The following PEX14 variants were observed in gnomAD, a reference collection of about 807,000 sequenced individuals.
PEX14 encodes the protein peroxisomal biogenesis factor 14, also known as peroxisomal membrane protein PEX14.
Under a neutral mutation model 49.5 loss-of-function variants are expected in PEX14, and 15 were observed. The ratio of observed to expected loss-of-function variants is 0.30; its 90% CI spans 0.20 to 0.47. PEX14 has a LOEUF of 0.47. Ranked by LOEUF, PEX14 falls within the 20% of genes least tolerant of loss-of-function variation. The probability of loss-of-function intolerance (pLI) is 1.00; values close to 1 mark genes in which losing one functional copy is unlikely to be tolerated. For synonymous variants in PEX14, 210 were observed against 212.7 expected, an observed-to-expected ratio of 0.99 and a Z score of 0.11; for missense variants, 398 against 494.8, an observed-to-expected ratio of 0.80 and a Z score of 1.86.
chr1:10,494,836 G>A lies in PEX14; in HGVS notation c.37-438G>A, dbSNP rs1464414008. ...TGGGCAGCTGGGGCCCCCTGGTGGT[G>A]GAATCTGGTTCTCCACTGCTGCGCG... On this transcript the variant is annotated intron_variant, in intron 1 of 8. Transcript: ENST00000356607. The surrounding 1 kb of genome is among the most constrained non-coding windows in gnomAD (Gnocchi z 4.3). Among the ~76,000 whole-genome samples, 2 of 152,344 alleles carry A rather than the reference G, an allele frequency of 1.3e-5. No individual in the cohort carries two copies. The highest frequency in any genetic ancestry group is 2.1e-4 in the South Asian group (1 of 4,818).
At chr1:10,593,514 C>G (rs1377206358) in intron 3 of PEX14, among the ~76,000 whole-genome samples, 4 of 152,132 alleles carry the variant, frequency 2.6e-5, no homozygotes, top group African/African-American at 9.7e-5. Context: ...AGCCCCCTGC[C>G]ACTCCCCATC....
At position 10,599,227 on chromosome 1, in the gene PEX14, C is replaced by T. The variant is rs1200614209; in HGVS notation, c.170-11C>T. On this transcript the variant is annotated splice_polypyrimidine_tract_variant and intron_variant, in intron 3 of 8. Coordinates refer to ENST00000356607, the MANE Select transcript of PEX14 (RefSeq NM_004565.3). ...AGGTACTCACCTGCAATGATGTCCTCTTCTCCCCAGGGCTGACAGATGAAG... is the reference window on the plus strand; with the variant it reads ...AGGTACTCACCTGCAATGATGTCCTTTTCTCCCCAGGGCTGACAGATGAAG... 6.2e-7 allele frequency: 1 copy of T among 1,614,046 alleles called. No individual in the cohort carries two copies.
At position 10,545,504 on chromosome 1, in the gene PEX14, A is replaced by G. The variant is rs1379930587; in HGVS notation, c.169+9207A>G. On this transcript the variant is annotated intron_variant, in intron 3 of 8. Transcript: ENST00000356607. Reference sequence around the variant, plus strand: ...GGAGAATAGGAAGATGAAGGTGACAAATTTTCTAGTAATGAAGCCACTTGA... The same window carrying G: ...GGAGAATAGGAAGATGAAGGTGACAGATTTTCTAGTAATGAAGCCACTTGA... Among the ~76,000 whole-genome samples the G allele has an allele frequency of 3.3e-5, 5 of 152,300 alleles. No homozygotes were observed. The South Asian group carries it at 6.2e-4, about 19-fold the overall frequency.
chr1:10,553,962 A>G (rs1172892182), intron 3 of PEX14, among the ~76,000 whole-genome samples: 1 of 151,908 alleles, frequency 6.6e-6, no homozygotes, highest in African/African-American at 2.4e-5. Flanking sequence ...TCTTTGTGGT[A>G]CCTTTACTCT....
chr1:10,557,981 A>C (rs1399221464), intron 3 of PEX14, among the ~76,000 whole-genome samples: 1 of 152,014 alleles, frequency 6.6e-6, no homozygotes, highest in Non-Finnish European at 1.5e-5. Context: ...TTCTTTCCCC[A>C]CTGATTTGAC....
chr1:10,511,132 T>G (rs1641875962), intron 2 of PEX14, among the ~76,000 whole-genome samples: 1 of 152,232 alleles, frequency 6.6e-6, no homozygotes, highest in Admixed American at 6.5e-5. Context: ...ACTCAGAAGT[T>G]GGAACCCAGA....
At chr1:10,622,945 G>A (rs1235937284) in intron 5 of PEX14, 74 bp from the exon 6 acceptor site, 17 of 1,021,630 alleles carry the variant, frequency 1.7e-5, no homozygotes, top group Admixed American at 1.2e-4. Flanking sequence ...AAAGTTGGGC[G>A]GCAGAATTTG....
intron 1 of PEX14, among the ~76,000 whole-genome samples, chr1:10,477,358 C>A (rs1223030044): frequency 2.0e-5 from 3 of 152,206 alleles, no homozygotes; most frequent in African/African-American, 7.2e-5. Context: ...GCGTGAGCTG[C>A]AGTGCCTGGC....
At chr1:10,548,394 T>G (rs558655217) in intron 3 of PEX14, among the ~76,000 whole-genome samples, 2 of 152,318 alleles carry the variant, frequency 1.3e-5, no homozygotes, top group East Asian at 3.9e-4. Context: ...GAAGCAGGGA[T>G]TTTTGAAACT....
chr1:10,481,288 C>T (rs1557803095), intron 1 of PEX14, among the ~76,000 whole-genome samples: 1 of 151,960 alleles, frequency 6.6e-6, no homozygotes, highest in Non-Finnish European at 1.5e-5. Context: ...CAGGTGCCCG[C>T]CACCATGCCT....
rs1404727270 is a variant in PEX14 at position 10,512,011 on chromosome 1, GTGCAGTGGCATAA to G, written c.84+16692_84+16704del. On this transcript the variant is annotated intron_variant, in intron 2 of 8. Coordinates refer to ENST00000356607, the MANE Select transcript of PEX14 (RefSeq NM_004565.3). The surrounding 1 kb of genome is among the most constrained non-coding windows in gnomAD (Gnocchi z 4.6). ...GTCTTGCTCTGTCACCCAGGCTGGA[GTGCAGTGGCATAA>G]TCTTGGCTCACTGCACGCTCCGCCT... 1.3e-5 allele frequency among the ~76,000 whole-genome samples: 2 copies of G among 152,142 alleles called. No homozygotes were observed. The highest frequency in any genetic ancestry group is 2.9e-5 in the Non-Finnish European group (2 of 68,022).
chr1:10,509,023 G>A (rs1288311994), intron 2 of PEX14, among the ~76,000 whole-genome samples: 1 of 151,504 alleles, frequency 6.6e-6, no homozygotes, highest in Non-Finnish European at 1.5e-5. Flanking sequence ...TGCAAACACC[G>A]CCTCCTAGGT....
chr1:10,623,387 CCTTT>C lies in PEX14; in HGVS notation c.487+269_487+272del. On this transcript the variant is annotated intron_variant, in intron 6 of 8. Coordinates refer to ENST00000356607, the MANE Select transcript of PEX14 (RefSeq NM_004565.3). The surrounding 1 kb of genome is among the most constrained non-coding windows in gnomAD (Gnocchi z 4.4). ...ATTAATAAGGGGAATAAAATGACAG[CCTTT>C]CTAAGGGCTGTAAAGTTCATTTTTA... The C allele has an allele frequency of 2.4e-6, 1 of 425,002 alleles. No homozygotes were observed. Among genetic ancestry groups the C allele is most frequent in the Non-Finnish European group, 4.4e-6 (1 of 226,014 alleles). The allele number at this position is 425,002 out of a possible 1,614,324, so 26.3% of individuals were successfully genotyped here.
intron 3 of PEX14, among the ~76,000 whole-genome samples, chr1:10,557,414 C>T (rs983414754): frequency 1.3e-5 from 2 of 152,040 alleles, no homozygotes; most frequent in African/African-American, 4.8e-5. Context: ...GGTGAAACCT[C>T]GTCTCTACTA....
intron 3 of PEX14, among the ~76,000 whole-genome samples, chr1:10,543,072 T>G (rs1002690253): frequency 6.6e-6 from 1 of 152,248 alleles, no homozygotes; most frequent in Non-Finnish European, 1.5e-5. Flanking sequence ...CAAATTGCGG[T>G]TAACACTTAG....
intron 3 of PEX14, among the ~76,000 whole-genome samples, chr1:10,594,036 C>T (rs1194116816): frequency 6.6e-6 from 1 of 152,058 alleles, no homozygotes; most frequent in Non-Finnish European, 1.5e-5. Context: ...TTTACAGTGT[C>T]GTCATTACGT....
intron 1 of PEX14, among the ~76,000 whole-genome samples, chr1:10,478,667 C>T (rs1179409238): frequency 2.6e-5 from 4 of 152,054 alleles, no homozygotes; most frequent in Non-Finnish European, 5.9e-5. Flanking sequence ...CATCCTTGCC[C>T]GCCCAGGCTC....
chr1:10,610,026 ATATATAAATACATATT>A (rs1449627061), intron 4 of PEX14, among the ~76,000 whole-genome samples: 1 of 149,046 alleles, frequency 6.7e-6, no homozygotes, highest in African/African-American at 2.4e-5. Context: ...ATATGTATTG[ATATATAAATACATATT>A]TATATAAATA....
intron 4 of PEX14, among the ~76,000 whole-genome samples, chr1:10,610,095 A>G (rs1038264781): frequency 6.8e-6 from 1 of 148,110 alleles, no homozygotes; most frequent in Admixed American, 6.8e-5. Context: ...GCATTTCTAT[A>G]TTATATGTAA....
Sources: allele counts gnomAD v4.1 joint callset (sites outside exome capture counted in the v4.1 genomes callset), GRCh38; gene constraint gnomAD v4.1.1; non-coding constraint Gnocchi (gnomAD v3.1); transcripts MANE v1.5; gene names NCBI Gene and HGNC (gene_info 2026-07-23, HGNC 2026-07-21).